DPYD: variants seen among roughly 807,000 people sequenced by gnomAD.
DPYD encodes dihydropyrimidine dehydrogenase.
In DPYD, 109 loss-of-function variants were observed where a neutral mutation model predicts 116.2. The ratio of observed to expected loss-of-function variants is 0.94; its 90% CI spans 0.80 to 1.10. DPYD has a LOEUF of 1.10. DPYD is among the 50% of genes least tolerant of loss of function. The pLI, the probability that DPYD is intolerant of heterozygous loss-of-function variation, is 0.00. For synonymous variants in DPYD, 440 were observed against 432.0 expected (o/e 1.02, Z -0.23); for missense variants, 1,302 against 1,254.5 (o/e 1.04, Z -0.57).
chr1:97,292,366 A>C (rs777773635), intron 18 of DPYD, among the ~76,000 whole-genome samples: 1 of 152,070 alleles, frequency 6.6e-6, no homozygotes, highest in South Asian at 2.1e-4. Flanking sequence ...ACGGGAAGCA[A>C]ACATGTCCTT....
intron 20 of DPYD, among the ~76,000 whole-genome samples, chr1:97,132,980 T>C (rs1420443854): frequency 1.3e-5 from 2 of 152,106 alleles, no homozygotes; most frequent in Non-Finnish European, 2.9e-5. Context: ...ACATGAATAT[T>C]ATTTTTTTTG....
At chr1:97,409,860 C>T (rs1273895317) in intron 14 of DPYD, among the ~76,000 whole-genome samples, 1 of 152,068 alleles carries the variant, frequency 6.6e-6, no homozygotes, top group African/African-American at 2.4e-5. Flanking sequence ...AGCGGATCAC[C>T]TGAAGTCAGG....
intron 2 of DPYD, among the ~76,000 whole-genome samples, chr1:97,831,820 A>C: frequency 6.6e-6 from 1 of 151,958 alleles, no homozygotes; most frequent in Non-Finnish European, 1.5e-5. Context: ...GTAATAAAAT[A>C]CTGGAACAAA....
intron 13 of DPYD, among the ~76,000 whole-genome samples, chr1:97,469,655 A>G (rs939583984): frequency 1.3e-5 from 2 of 152,200 alleles, no homozygotes; most frequent in Non-Finnish European, 2.9e-5. Flanking sequence ...CTAAAGGTTC[A>G]CAACTTAGAA....
At chr1:97,412,683 A>G (rs1319668107) in intron 14 of DPYD, among the ~76,000 whole-genome samples, 1 of 152,198 alleles carries the variant, frequency 6.6e-6, no homozygotes, top group Non-Finnish European at 1.5e-5. Context: ...CATTAAATGC[A>G]TCCTGTTTTG....
chr1:97,322,920 T>A (rs1284549106), intron 16 of DPYD: 1 of 151,966 alleles, frequency 6.6e-6, no homozygotes, highest in Non-Finnish European at 1.5e-5. Flanking sequence ...GGGTGTCTAT[T>A]GTTTTAAGGA....
intron 2 of DPYD, among the ~76,000 whole-genome samples, chr1:97,880,865 C>T (rs1376567673): frequency 6.6e-6 from 1 of 151,886 alleles, no homozygotes; most frequent in Non-Finnish European, 1.5e-5. Context: ...ATTTCAAAAA[C>T]ATCTTAATGA....
chr1:97,748,593 A>T (rs1664692521), intron 3 of DPYD, among the ~76,000 whole-genome samples: 1 of 152,208 alleles, frequency 6.6e-6, no homozygotes, highest in Non-Finnish European at 1.5e-5. Context: ...TGGGCGACAG[A>T]GCAATACTCC....
intron 8 of DPYD, among the ~76,000 whole-genome samples, chr1:97,628,848 T>C (rs1657091247): frequency 6.6e-6 from 1 of 152,080 alleles, no homozygotes; most frequent in African/African-American, 2.4e-5. Context: ...GACCATGCTG[T>C]TTTATAGCCT....
chr1:97,748,004 T>C (rs1360542275), intron 3 of DPYD, among the ~76,000 whole-genome samples: 1 of 152,206 alleles, frequency 6.6e-6, no homozygotes, highest in Non-Finnish European at 1.5e-5. Context: ...ATTCTGAAAC[T>C]TATATATTGC....
chr1:97,249,759 T>C lies in DPYD; in HGVS notation c.2300-14765A>G, dbSNP rs139125803. On this transcript the variant is annotated intron_variant, in intron 18 of 22. Transcript: ENST00000370192. ...GAAACCAACAGTTAAAAGATTACAA[T>C]AGACAAAATACTTGAACAATACTTT... Among the ~76,000 whole-genome samples, 27 of 152,190 alleles carry C rather than the reference T, an allele frequency of 1.8e-4. No homozygotes were observed. In the East Asian group the frequency reaches 3.7e-3, roughly 21 times the overall value.
intron 1 of DPYD, among the ~76,000 whole-genome samples, chr1:97,894,252 G>A (rs1672937337): frequency 6.6e-6 from 1 of 151,764 alleles, no homozygotes; most frequent in East Asian, 1.9e-4. Context: ...TTTCTTATAA[G>A]AAGCACTAAT....
intron 11 of DPYD, among the ~76,000 whole-genome samples, chr1:97,553,421 T>C (rs1451677852): frequency 2.0e-5 from 3 of 152,066 alleles, no homozygotes; most frequent in Non-Finnish European, 4.4e-5. Flanking sequence ...ACTATCATCC[T>C]CATCATTGTA....
intron 20 of DPYD, among the ~76,000 whole-genome samples, chr1:97,116,293 C>T (rs767355289): frequency 1.3e-5 from 2 of 152,074 alleles, no homozygotes; most frequent in Non-Finnish European, 2.9e-5. Context: ...CTGCCTGCAC[C>T]ACGACTGCCT....
intron 16 of DPYD, among the ~76,000 whole-genome samples, chr1:97,310,268 GT>G (rs1667426206): frequency 2.0e-5 from 3 of 151,668 alleles, no homozygotes. Context: ...TTACATCCAT[GT>G]TTCTGATGGA....
intron 8 of DPYD, among the ~76,000 whole-genome samples, chr1:97,644,718 A>G (rs191011393): frequency 6.6e-6 from 1 of 151,476 alleles, no homozygotes; most frequent in African/African-American, 2.4e-5. Flanking sequence ...TCAGCCTCCC[A>G]AAGTGCTGGG....
intron 3 of DPYD, among the ~76,000 whole-genome samples, chr1:97,743,422 A>G (rs1190494059): frequency 1.3e-5 from 2 of 152,130 alleles, no homozygotes; most frequent in Non-Finnish European, 2.9e-5. Context: ...TAGTCCTAAT[A>G]AAATATCAAC....
intron 3 of DPYD, among the ~76,000 whole-genome samples, chr1:97,750,292 A>T (rs537432100): frequency 1.8e-4 from 27 of 152,206 alleles, no homozygotes; most frequent in East Asian, 5.8e-4. Context: ...AAAAATTTTT[A>T]AAAAAGAGGT....
intron 14 of DPYD, among the ~76,000 whole-genome samples, chr1:97,422,892 T>A (rs911962746): frequency 9.9e-5 from 15 of 152,058 alleles, no homozygotes; most frequent in Admixed American, 6.6e-4. Flanking sequence ...GTAATACAGT[T>A]CACCCTTTCA....
Sources: gnomAD v4.1 joint callset for allele counts (sites outside exome capture counted in the v4.1 genomes callset) on GRCh38, gnomAD v4.1.1 for gene constraint, MANE v1.5 for transcripts, NCBI Gene and HGNC (gene_info 2026-07-23, HGNC 2026-07-21) for gene names.